Variants in PIWIL1 observed in about 807,000 individuals in gnomAD.
The protein encoded by PIWIL1 is piwi like RNA-mediated gene silencing 1.
A neutral mutation model predicts 114.4 loss-of-function variants in PIWIL1; 73 were observed. That is an observed-to-expected ratio of 0.64 (90% CI 0.53 to 0.78). The LOEUF (loss-of-function observed/expected upper bound fraction) is 0.78, where lower values mean the gene tolerates loss of function less well. PIWIL1 is among the 30% of genes least tolerant of loss of function. The probability of loss-of-function intolerance (pLI) is 0.00; values close to 1 mark genes in which losing one functional copy is unlikely to be tolerated. For missense variants in PIWIL1, 723 were observed against 1,063.1 expected, an observed-to-expected ratio of 0.68 and a Z score of 4.45; for synonymous variants, 375 against 369.0, an observed-to-expected ratio of 1.02 and a Z score of -0.19.
At chr12:130,354,025 T>G (rs1302948189) in intron 9 of PIWIL1, among the ~76,000 whole-genome samples, 1 of 152,222 alleles carries the variant, frequency 6.6e-6, no homozygotes, top group Non-Finnish European at 1.5e-5. Flanking sequence ...CACTTCTCAA[T>G]TGAAATTTGA....
the PIWIL1 span, chr12:130,406,176 T>C: frequency 6.5e-7 from 1 of 1,547,910 alleles, no homozygotes; most frequent in Non-Finnish European, 8.9e-7. Flanking sequence ...ACTTACATAA[T>C]AAAATCCATC....
At chr12:130,349,135 CTT>C (rs1565943805) in intron 7 of PIWIL1, 102 bp from the exon 8 acceptor site, 3 of 713,914 alleles carry the variant, frequency 4.2e-6, no homozygotes, top group Admixed American at 5.3e-5. Flanking sequence ...CATTCAGAAA[CTT>C]TATAGTTTAG....
chr12:130,338,019 G>T lies in PIWIL1; in HGVS notation c.-140G>T. 2 of 174,166 alleles carry T rather than the reference G, an allele frequency of 1.1e-5. No homozygotes were observed. Among genetic ancestry groups the T allele is most frequent in the South Asian group, 1.2e-4 (1 of 8,362 alleles). The allele number at this position is 174,166 out of a possible 1,614,324, so 10.8% of individuals were successfully genotyped here. On this transcript the variant is annotated 5_prime_UTR_variant, in exon 1 of 21. It adds an upstream start codon to the 5' untranslated region. Coordinates refer to ENST00000245255, the MANE Select transcript of PIWIL1 (RefSeq NM_004764.5). Reference sequence around the variant, plus strand: ...CTCGGGAACCCAGCGCCGAAGGCGAGGTGGGCGCGGGCCGAAGGAGGTCCT... The same window carrying T: ...CTCGGGAACCCAGCGCCGAAGGCGATGTGGGCGCGGGCCGAAGGAGGTCCT...
the PIWIL1 span, chr12:130,412,816 C>T: frequency 6.3e-7 from 1 of 1,592,936 alleles, no homozygotes; most frequent in Non-Finnish European, 8.6e-7. Flanking sequence ...ATAAATCAAG[C>T]ACTGTAATTG....
At chr12:130,352,148 GA>G (rs1028994292) in intron 9 of PIWIL1, among the ~76,000 whole-genome samples, 2 of 152,170 alleles carry the variant, frequency 1.3e-5, no homozygotes, top group Non-Finnish European at 2.9e-5. Context: ...ATTAATGAAA[GA>G]GGTTGACGTT....
chr12:130,344,946 G>A (rs963888613), intron 3 of PIWIL1, among the ~76,000 whole-genome samples: 45 of 152,174 alleles, frequency 3.0e-4, no homozygotes, highest in Non-Finnish European at 1.6e-4. Flanking sequence ...AGAATGAGGG[G>A]TTAGTTATTG....
At chr12:130,416,270 G>A in the PIWIL1 span, among the ~76,000 whole-genome samples, 58,725 of 152,004 alleles carry the variant, frequency 0.39, 11,460 homozygotes, top group South Asian at 0.5. Flanking sequence ...TAGCCGAAGT[G>A]GTCTTAAGCA....
chr12:130,352,042 C>T (rs1316758942), intron 9 of PIWIL1, among the ~76,000 whole-genome samples: 4 of 152,114 alleles, frequency 2.6e-5, no homozygotes, highest in Non-Finnish European at 5.9e-5. Flanking sequence ...GTTGGACACA[C>T]CTTGTATGCT....
chr12:130,390,147 G>C, the PIWIL1 span, among the ~76,000 whole-genome samples: 1 of 152,172 alleles, frequency 6.6e-6, no homozygotes, highest in African/African-American at 2.4e-5. Context: ...TTTGTAACAA[G>C]TTTTTTTCTG....
At chr12:130,352,728 T>C (rs751382677) in intron 9 of PIWIL1, among the ~76,000 whole-genome samples, 3 of 151,874 alleles carry the variant, frequency 2.0e-5, no homozygotes, top group Non-Finnish European at 2.9e-5. Flanking sequence ...AATATAAAAG[T>C]GGAGGGGGCG....
the PIWIL1 span, chr12:130,414,508 G>A: frequency 2.1e-6 from 1 of 487,686 alleles, no homozygotes; most frequent in Non-Finnish European, 3.6e-6. Flanking sequence ...GCCACACTCT[G>A]TACCTGGCCA....
intron 1 of PIWIL1, chr12:130,342,351 G>T: frequency 1.9e-6 from 1 of 523,768 alleles, no homozygotes; most frequent in Admixed American, 3.3e-5. Context: ...ATTAAAATAG[G>T]TTTTCCCCTT....
chr12:130,340,111 G>A (rs2072865290), intron 1 of PIWIL1, among the ~76,000 whole-genome samples: 1 of 152,114 alleles, frequency 6.6e-6, no homozygotes, highest in Non-Finnish European at 1.5e-5. Flanking sequence ...CCGGGGAAAC[G>A]GCTTTCGGAG....
chr12:130,370,644 T>C lies in PIWIL1; in HGVS notation c.2322-532T>C, dbSNP rs142292985. On this transcript the variant is annotated intron_variant, in intron 19 of 20. Coordinates refer to ENST00000245255, the MANE Select transcript of PIWIL1 (RefSeq NM_004764.5). Reference sequence around the variant, plus strand: ...TCCCATACTAGTTTATATTCTTTCATGTTCCCTTCCACTTAAAGATTTGCA... The same window carrying C: ...TCCCATACTAGTTTATATTCTTTCACGTTCCCTTCCACTTAAAGATTTGCA... Among the ~76,000 whole-genome samples, 976 of 152,358 alleles carry C rather than the reference T, an allele frequency of 6.4e-3. 9 individuals are homozygous for C. The highest frequency in any genetic ancestry group is 0.054 in the Middle Eastern group (16 of 294).
the PIWIL1 span, among the ~76,000 whole-genome samples, chr12:130,388,319 C>T: frequency 7.9e-5 from 12 of 152,160 alleles, 1 homozygote; most frequent in East Asian, 2.3e-3. Flanking sequence ...CTCACTCACA[C>T]ATCACAGCCC....
chr12:130,404,157 A>C, the PIWIL1 span, among the ~76,000 whole-genome samples: 1 of 152,204 alleles, frequency 6.6e-6, no homozygotes, highest in Non-Finnish European at 1.5e-5. Context: ...GAATCGGTTG[A>C]TAAGAGAAAT....
At chr12:130,350,632 C>T (rs2073187335) in intron 9 of PIWIL1, among the ~76,000 whole-genome samples, 1 of 152,134 alleles carries the variant, frequency 6.6e-6, no homozygotes. Flanking sequence ...GCAGATCTGG[C>T]CCCCAAATCC....
chr12:130,362,751 T>C lies in PIWIL1; in HGVS notation c.1971-15T>C. ...CAATTGCATTCTTATTCTAGCTGTG[T>C]TTTTCTCTGAATAGCTGGTTCTCAC... On this transcript the variant is annotated splice_polypyrimidine_tract_variant and intron_variant, in intron 16 of 20. Transcript: ENST00000245255. The C allele has an allele frequency of 6.2e-7, 1 of 1,611,832 alleles. No individual in the cohort carries two copies. Among genetic ancestry groups the C allele is most frequent in the Non-Finnish European group, 8.5e-7 (1 of 1,178,086 alleles).
intron 18 of PIWIL1, among the ~76,000 whole-genome samples, chr12:130,364,099 G>A (rs907829489): frequency 6.6e-6 from 1 of 152,126 alleles, no homozygotes; most frequent in Non-Finnish European, 1.5e-5. Flanking sequence ...AATCAGTTAC[G>A]TTAACTAGTC....
Sources: gnomAD v4.1 joint callset for allele counts (sites outside exome capture counted in the v4.1 genomes callset) on GRCh38, gnomAD v4.1.1 for gene constraint, MANE v1.5 for transcripts, NCBI Gene and HGNC (gene_info 2026-07-23, HGNC 2026-07-21) for gene names.